CDH11: variants seen among roughly 807,000 people sequenced by gnomAD.
CDH11 encodes cadherin-11.
Under a neutral mutation model 67.8 loss-of-function variants are expected in CDH11, and 11 were observed. The ratio of observed to expected loss-of-function variants is 0.16; its 90% CI spans 0.10 to 0.27. CDH11 has a LOEUF of 0.27. Ranked by LOEUF, CDH11 falls within the 10% of genes least tolerant of loss-of-function variation. The pLI, the probability that CDH11 is intolerant of heterozygous loss-of-function variation, is 1.00. For missense variants in CDH11, 847 were observed against 1,031.2 expected (o/e 0.82, Z 2.45); for synonymous variants, 419 against 400.0 (o/e 1.05, Z -0.57).
At chr16:65,064,629 C>T (rs1268998762) in intron 1 of CDH11, among the ~76,000 whole-genome samples, 1 of 152,178 alleles carries the variant, frequency 6.6e-6, no homozygotes, top group South Asian at 2.1e-4. Context: ...CCTAAACAAA[C>T]CTTTTTTTAA....
chr16:65,117,480 A>G (rs1407218815), intron 1 of CDH11, among the ~76,000 whole-genome samples: 1 of 152,216 alleles, frequency 6.6e-6, no homozygotes, highest in Non-Finnish European at 1.5e-5. Context: ...TAATTTCCAT[A>G]TCGCTGAGAA....
At chr16:65,116,848 C>A (rs1416778945) in intron 1 of CDH11, among the ~76,000 whole-genome samples, 5 of 152,114 alleles carry the variant, frequency 3.3e-5, no homozygotes, top group Non-Finnish European at 7.4e-5. Flanking sequence ...TTTCTTCCTC[C>A]TTTCCCTCTC....
In CDH11 at chr16:65,032,006, G is replaced by A. The variant is rs539514702; in HGVS notation, c.-173+21798C>T. ...AAGACTCAGATTTACAAGGATGTGCGATTGTTGTGGGAGAAGGAAAAATAA... is the reference window on the plus strand; with the variant it reads ...AAGACTCAGATTTACAAGGATGTGCAATTGTTGTGGGAGAAGGAAAAATAA... On this transcript the variant is annotated intron_variant, in intron 2 of 12. Transcript: ENST00000268603. Among the ~76,000 whole-genome samples the A allele has an allele frequency of 4.9e-4, 74 of 152,264 alleles. 1 individual carries two copies. Among genetic ancestry groups the A allele is most frequent in the African/African-American group, 1.6e-3 (68 of 41,566 alleles).
At chr16:65,084,572 A>T (rs978460138) in intron 1 of CDH11, among the ~76,000 whole-genome samples, 1 of 152,186 alleles carries the variant, frequency 6.6e-6, no homozygotes, top group African/African-American at 2.4e-5. Context: ...ACAAGGAGGG[A>T]ATCATATAAG....
At chr16:65,108,357 T>G (rs991775238) in intron 1 of CDH11, among the ~76,000 whole-genome samples, 8 of 152,236 alleles carry the variant, frequency 5.3e-5, no homozygotes, top group African/African-American at 1.7e-4. Flanking sequence ...ATGCATTAGT[T>G]GGAAGGCAAG....
At chr16:65,052,058 C>T (rs1376892095) in intron 2 of CDH11, among the ~76,000 whole-genome samples, 1 of 152,148 alleles carries the variant, frequency 6.6e-6, no homozygotes, top group Non-Finnish European at 1.5e-5. Context: ...AGGAACCTGA[C>T]ATATAGTAAG....
chr16:64,971,407 G>A (rs1287958890), intron 11 of CDH11, among the ~76,000 whole-genome samples, 172 bp downstream of exon 11: 1 of 152,070 alleles, frequency 6.6e-6, no homozygotes, highest in Non-Finnish European at 1.5e-5. Flanking sequence ...TCACTTATTC[G>A]CATGCATCAA....
rs921781121 is a variant in CDH11, at chr16:65,037,717, G to T, written c.-173+16087C>A. ...CATCCCAGCAACAGGGACTCAGGCT[G>T]TTCCACTTCCCCGAGAAGACGAGAG... On this transcript the variant is annotated intron_variant, in intron 2 of 12. Coordinates refer to ENST00000268603, the MANE Select transcript of CDH11 (RefSeq NM_001797.4). 1.1e-4 allele frequency among the ~76,000 whole-genome samples: 17 copies of T among 152,136 alleles called. 1 individual carries two copies. The highest frequency in any genetic ancestry group is 7.9e-4 in the Admixed American group (12 of 15,268).
chr16:64,948,418 T>G, intron 12 of CDH11: 1 of 614,918 alleles, frequency 1.6e-6, no homozygotes, highest in Non-Finnish European at 2.9e-6. Flanking sequence ...CTAAATATGT[T>G]GGTCTGTAGT....
chr16:64,954,976 G>A (rs1229115406), intron 11 of CDH11, among the ~76,000 whole-genome samples: 1 of 150,794 alleles, frequency 6.6e-6, no homozygotes, highest in South Asian at 2.1e-4. Flanking sequence ...GCCAGGCACA[G>A]TGGCTTACGC....
intron 2 of CDH11, among the ~76,000 whole-genome samples, chr16:65,052,723 G>A (rs182787398): frequency 4.3e-4 from 66 of 152,298 alleles, no homozygotes; most frequent in Non-Finnish European, 8.4e-4. Context: ...AATGGATCAC[G>A]TTGGAGCTGA....
intron 8 of CDH11, chr16:64,981,713 A>T (rs1036912658): frequency 5.3e-6 from 1 of 188,422 alleles, no homozygotes; most frequent in African/African-American, 2.3e-5. Context: ...TATTTAATAA[A>T]TTGCAATTAC....
intron 1 of CDH11, among the ~76,000 whole-genome samples, chr16:65,060,861 A>C (rs1019892728): frequency 6.6e-6 from 1 of 151,976 alleles, no homozygotes; most frequent in Admixed American, 6.6e-5. Flanking sequence ...GGAGATGCCC[A>C]CATTCCACAT....
At chr16:64,950,736 C>G in intron 12 of CDH11, 31 bp downstream of exon 12, 1 of 1,604,326 alleles carries the variant, frequency 6.2e-7, no homozygotes. Flanking sequence ...TTGCCTGGCC[C>G]TTCCTGCAGG....
chr16:65,078,234 T>C (rs1442098209), intron 1 of CDH11, among the ~76,000 whole-genome samples: 5 of 152,236 alleles, frequency 3.3e-5, no homozygotes, highest in African/African-American at 9.6e-5. Context: ...TATAAGACTT[T>C]ACAGTATTTT....
intron 2 of CDH11, among the ~76,000 whole-genome samples, chr16:65,006,236 A>C (rs2073051285): frequency 6.6e-6 from 1 of 152,202 alleles, no homozygotes; most frequent in Non-Finnish European, 1.5e-5. Context: ...GTTCTTGTGC[A>C]GGAGGATGAT....
At chr16:64,982,559 T>C (rs2072381516) in intron 7 of CDH11, 1 of 413,796 alleles carries the variant, frequency 2.4e-6, no homozygotes, top group Non-Finnish European at 4.3e-6. Flanking sequence ...ACTTATTCTA[T>C]ATAGCAACAC....
At chr16:65,002,459 C>T (rs2072941559) in intron 3 of CDH11, among the ~76,000 whole-genome samples, 1 of 152,184 alleles carries the variant, frequency 6.6e-6, no homozygotes, top group Non-Finnish European at 1.5e-5. Flanking sequence ...ATCTCTTTTT[C>T]CTCTCTGGCA....
intron 1 of CDH11, among the ~76,000 whole-genome samples, chr16:65,065,428 C>T (rs557408079): frequency 4.9e-4 from 75 of 152,256 alleles, no homozygotes; most frequent in African/African-American, 1.7e-3. Context: ...ATATGCAAAG[C>T]TTGGGCTAAA....
Sources: gnomAD v4.1 joint callset for allele counts (sites outside exome capture counted in the v4.1 genomes callset) on GRCh38, gnomAD v4.1.1 for gene constraint, MANE v1.5 for transcripts, NCBI Gene and HGNC (gene_info 2026-07-23, HGNC 2026-07-21) for gene names.